FSTL4: variants seen among roughly 807,000 people sequenced by gnomAD.
FSTL4 encodes the protein follistatin like 4.
In FSTL4, 28 loss-of-function variants were observed where a neutral mutation model predicts 78.2. That is an observed-to-expected ratio of 0.36 (90% CI 0.27 to 0.49). The LOEUF is 0.49. FSTL4 is among the 20% of genes least tolerant of loss of function. The pLI, the probability that FSTL4 is intolerant of heterozygous loss-of-function variation, is 0.98. For missense variants in FSTL4, 922 were observed against 1,084.9 expected, an observed-to-expected ratio of 0.85 and a Z score of 2.11; for synonymous variants, 422 against 440.5, an observed-to-expected ratio of 0.96 and a Z score of 0.53.
intron 3 of FSTL4, among the ~76,000 whole-genome samples, chr5:133,516,602 C>A (rs1758855572): frequency 6.6e-6 from 1 of 152,078 alleles, no homozygotes; most frequent in Non-Finnish European, 1.5e-5. Context: ...AACACAATTC[C>A]AATAAATTGT....
At chr5:133,217,107 CT>C in intron 13 of FSTL4, 121 bp downstream of exon 13, 1 of 718,318 alleles carries the variant, frequency 1.4e-6, no homozygotes, top group South Asian at 1.9e-5. Flanking sequence ...ACACATGAAT[CT>C]TTTCTCCCTT....
intron 3 of FSTL4, among the ~76,000 whole-genome samples, chr5:133,442,125 A>G (rs146523752): frequency 1.4e-3 from 214 of 152,362 alleles, no homozygotes; most frequent in Non-Finnish European, 2.2e-3. Flanking sequence ...ATGAGTCTCC[A>G]TGCAAAGGTC....
At chr5:133,687,718 A>G in the FSTL4 span, among the ~76,000 whole-genome samples, 1 of 152,242 alleles carries the variant, frequency 6.6e-6, no homozygotes, top group African/African-American at 2.4e-5. Flanking sequence ...AAGAATTATA[A>G]TTGATGATCT....
At chr5:133,256,689 AC>A (rs1347425876) in intron 6 of FSTL4, among the ~76,000 whole-genome samples, 1 of 152,200 alleles carries the variant, frequency 6.6e-6, no homozygotes, top group African/African-American at 2.4e-5. Context: ...TGTTTAGAGC[AC>A]CAGGGTGCAT....
intron 2 of FSTL4, among the ~76,000 whole-genome samples, chr5:133,596,707 G>A (rs1446016370): frequency 6.6e-6 from 1 of 152,072 alleles, no homozygotes; most frequent in South Asian, 2.1e-4. Flanking sequence ...TGCTCTCAGA[G>A]TCTCCTAACC....
intron 4 of FSTL4, among the ~76,000 whole-genome samples, chr5:133,379,684 C>G (rs527982490): frequency 6.6e-6 from 1 of 152,232 alleles, no homozygotes; most frequent in Non-Finnish European, 1.5e-5. Context: ...AGAAAATACA[C>G]TTTGATATGA....
intron 4 of FSTL4, among the ~76,000 whole-genome samples, chr5:133,383,442 C>G (rs1320709283): frequency 6.6e-6 from 1 of 152,192 alleles, no homozygotes; most frequent in Non-Finnish European, 1.5e-5. Context: ...AAGGACGTGT[C>G]CTTTCCTGGG....
rs185106292 is a variant in FSTL4, at chr5:133,365,607, G to A, written c.409+35131C>T. On this transcript the variant is annotated intron_variant, in intron 4 of 15. Transcript: ENST00000265342. ...CTCTGGTTTCCCATGAGCCTAATCA[G>A]CGGTGCAGTCTTCAGTCCTTGCTCC... Among the ~76,000 whole-genome samples, 657 of 152,348 alleles carry A rather than the reference G, an allele frequency of 4.3e-3. 2 individuals are homozygous for A. The highest frequency in any genetic ancestry group is 7.2e-3 in the Non-Finnish European group (487 of 68,034).
chr5:133,479,706 C>T (rs1210193642), intron 3 of FSTL4, among the ~76,000 whole-genome samples: 1 of 152,058 alleles, frequency 6.6e-6, no homozygotes, highest in Non-Finnish European at 1.5e-5. Context: ...GCCTGGATAT[C>T]GGCATCAAGT....
intron 4 of FSTL4, among the ~76,000 whole-genome samples, chr5:133,364,133 C>T (rs572485420): frequency 5.4e-4 from 83 of 152,350 alleles, no homozygotes; most frequent in African/African-American, 1.9e-3. Context: ...AGGCGATTGA[C>T]AACTCAGAAA....
intron 4 of FSTL4, among the ~76,000 whole-genome samples, chr5:133,371,655 A>G (rs1755304726): frequency 6.6e-6 from 1 of 152,264 alleles, no homozygotes; most frequent in Non-Finnish European, 1.5e-5. Context: ...TTGGCAGACA[A>G]GGAAATGTCA....
intron 3 of FSTL4, among the ~76,000 whole-genome samples, chr5:133,534,160 TAA>T (rs138771299): frequency 1.4e-5 from 2 of 144,452 alleles, no homozygotes. Context: ...AACCTGATTG[TAA>T]AAAAAAAAAA....
intron 3 of FSTL4, among the ~76,000 whole-genome samples, chr5:133,480,567 G>T (rs1326726706): frequency 6.6e-6 from 1 of 152,012 alleles, no homozygotes; most frequent in Non-Finnish European, 1.5e-5. Flanking sequence ...ACCTGGCTTG[G>T]ATCAACGTGA....
At chr5:133,774,478 A>T in the FSTL4 span, among the ~76,000 whole-genome samples, 2 of 152,164 alleles carry the variant, frequency 1.3e-5, no homozygotes, top group Non-Finnish European at 1.5e-5. Flanking sequence ...ATTTAGCCCC[A>T]AAAGTTAGTA....
chr5:133,481,107 G>A (rs1758018809), intron 3 of FSTL4, among the ~76,000 whole-genome samples: 1 of 152,216 alleles, frequency 6.6e-6, no homozygotes, highest in African/African-American at 2.4e-5. Context: ...GCACTGCGCT[G>A]TTTACCAAGG....
chr5:133,409,596 G>A (rs1004561169), intron 3 of FSTL4, among the ~76,000 whole-genome samples: 4 of 152,292 alleles, frequency 2.6e-5, no homozygotes, highest in South Asian at 2.1e-4. Context: ...CCCCAGCAGC[G>A]CCTTCACAGC....
chr5:133,612,972 A>G (rs914437244), upstream of FSTL4, among the ~76,000 whole-genome samples: 1 of 152,190 alleles, frequency 6.6e-6, no homozygotes, highest in East Asian at 1.9e-4. This position sits in a 1 kb window ranked among gnomAD's most constrained non-coding sequence, Gnocchi z 6.2. Flanking sequence ...CGCCGTTGAG[A>G]CCCAACAACC....
the FSTL4 span, among the ~76,000 whole-genome samples, chr5:133,683,268 C>T: frequency 6.6e-6 from 1 of 152,112 alleles, no homozygotes; most frequent in Non-Finnish European, 1.5e-5. Context: ...CTGCCATCCC[C>T]TAAATTAGAG....
At chr5:133,300,902 C>T (rs545536373) in intron 6 of FSTL4, among the ~76,000 whole-genome samples, 40 of 152,116 alleles carry the variant, frequency 2.6e-4, no homozygotes, top group Non-Finnish European at 5.1e-4. Context: ...TCGGGCCCCG[C>T]TTTCTCTGTG....
Sources: gnomAD v4.1 joint callset for allele counts (sites outside exome capture counted in the v4.1 genomes callset) on GRCh38, gnomAD v4.1.1 for gene constraint, Gnocchi (gnomAD v3.1) non-coding constraint, MANE v1.5 for transcripts, NCBI Gene and HGNC (gene_info 2026-07-23, HGNC 2026-07-21) for gene names.